SEMA3D: variants seen among roughly 807,000 people sequenced by gnomAD.
The protein encoded by SEMA3D is semaphorin 3D, also known as semaphorin-3D.
A neutral mutation model predicts 100.1 loss-of-function variants in SEMA3D; 84 were observed. That is an observed-to-expected ratio of 0.84 (90% CI 0.70 to 1.01). SEMA3D has a LOEUF of 1.01. Among genes scored for constraint, SEMA3D ranks in the 50% least tolerant of loss-of-function variants. The probability of loss-of-function intolerance (pLI) is 0.00; values close to 1 mark genes in which losing one functional copy is unlikely to be tolerated. For synonymous variants in SEMA3D, 312 were observed against 320.7 expected (o/e 0.97, Z 0.29); for missense variants, 875 against 934.1 (o/e 0.94, Z 0.82).
At chr7:85,055,971 C>T (rs1791308057) in intron 8 of SEMA3D, 112 bp from the exon 9 acceptor site, 3 of 542,198 alleles carry the variant, frequency 5.5e-6, no homozygotes, top group Non-Finnish European at 9.7e-6. Flanking sequence ...AAAAAATGAA[C>T]TATAAGCCAG....
the SEMA3D span, among the ~76,000 whole-genome samples, chr7:85,216,519 C>T: frequency 6.6e-6 from 1 of 151,790 alleles, no homozygotes. Context: ...TACTGTCTCA[C>T]CAAGGAAATT....
the SEMA3D span, among the ~76,000 whole-genome samples, chr7:85,215,953 C>A: frequency 1.2e-4 from 19 of 152,010 alleles, no homozygotes; most frequent in Admixed American, 1.1e-3. Flanking sequence ...CTATTTTGCA[C>A]TTTTAAGGTT....
At chr7:85,161,162 T>C (rs1460874459) in intron 1 of SEMA3D, among the ~76,000 whole-genome samples, 49 of 152,226 alleles carry the variant, frequency 3.2e-4, no homozygotes, top group Admixed American at 3.2e-3. Context: ...GACTAAAAAT[T>C]TTAGCTTTAT....
intron 2 of SEMA3D, among the ~76,000 whole-genome samples, chr7:85,135,838 C>G (rs1027479938): frequency 6.7e-6 from 1 of 150,352 alleles, no homozygotes; most frequent in Non-Finnish European, 1.5e-5. Flanking sequence ...TATTTACTAT[C>G]ACGTTTCTAC....
intron 6 of SEMA3D, 36 bp from the exon 7 acceptor site, chr7:85,068,320 A>T: frequency 9.0e-7 from 1 of 1,110,372 alleles, no homozygotes; most frequent in Non-Finnish European, 1.4e-6. Flanking sequence ...TGAACTTTTT[A>T]AAAATATTAC....
At chr7:85,017,416 G>A (rs1392337760) in intron 15 of SEMA3D, among the ~76,000 whole-genome samples, 2 of 151,612 alleles carry the variant, frequency 1.3e-5, no homozygotes, top group Non-Finnish European at 2.9e-5. Flanking sequence ...AGCACCTTAG[G>A]CCTTCAAGAA....
At chr7:85,171,014 G>A (rs955392237) in intron 1 of SEMA3D, among the ~76,000 whole-genome samples, 7 of 151,922 alleles carry the variant, frequency 4.6e-5, no homozygotes, top group Admixed American at 4.6e-4. Flanking sequence ...CAATATATAA[G>A]TATACTAAGG....
At chr7:85,156,474 C>G (rs185453541) in intron 1 of SEMA3D, among the ~76,000 whole-genome samples, 144 of 152,168 alleles carry the variant, frequency 9.5e-4, no homozygotes, top group Non-Finnish European at 1.6e-3. Context: ...TTGATTCTTC[C>G]AACTTAAAGG....
intron 13 of SEMA3D, 74 bp from the exon 14 acceptor site, chr7:85,020,395 T>C: frequency 1.0e-6 from 1 of 972,608 alleles, no homozygotes; most frequent in Non-Finnish European, 1.6e-6. Context: ...CCTAGAAACC[T>C]GCAAATCATT....
chr7:85,229,295 A>G, the SEMA3D span, among the ~76,000 whole-genome samples: 1 of 152,170 alleles, frequency 6.6e-6, no homozygotes, highest in South Asian at 2.1e-4. Context: ...AGTACTGCAA[A>G]TGCTTTTAAA....
chr7:85,231,595 C>A, the SEMA3D span, among the ~76,000 whole-genome samples: 1 of 151,966 alleles, frequency 6.6e-6, no homozygotes, highest in African/African-American at 2.4e-5. Flanking sequence ...GGACTACAGG[C>A]GTCTGCCACC....
At position 85,014,119 on chromosome 7, in the gene SEMA3D, T is replaced by C. The variant is rs536701401; in HGVS notation, c.1703+940A>G. The stretch of plus-strand genomic sequence containing the variant: ...GCTGTTGAACTATACATTCAATTTG[T>C]AATTTCCTAGAATTTAGAATTTGAG... On this transcript the variant is annotated intron_variant, in intron 16 of 18. Transcript: ENST00000284136. Among the ~76,000 whole-genome samples, 6 of 151,960 alleles carry C rather than the reference T, an allele frequency of 3.9e-5. No individual in the cohort carries two copies. In the South Asian group the frequency reaches 1.2e-3, roughly 31 times the overall value.
At chr7:85,219,427 A>G in the SEMA3D span, among the ~76,000 whole-genome samples, 1 of 149,014 alleles carries the variant, frequency 6.7e-6, no homozygotes, top group East Asian at 2.1e-4. Flanking sequence ...GATTTATGTT[A>G]TTAGTACATT....
the SEMA3D span, among the ~76,000 whole-genome samples, chr7:85,246,902 A>G: frequency 6.6e-6 from 1 of 151,974 alleles, no homozygotes; most frequent in East Asian, 1.9e-4. Context: ...TTGATACAAT[A>G]TAACAGTGAA....
chr7:85,245,879 C>A, the SEMA3D span, among the ~76,000 whole-genome samples: 1 of 151,904 alleles, frequency 6.6e-6, no homozygotes, highest in Non-Finnish European at 1.5e-5. Context: ...TTGCCTTTGG[C>A]TATATCATAG....
chr7:85,133,406 T>G (rs1461968682), intron 2 of SEMA3D, among the ~76,000 whole-genome samples: 1 of 151,998 alleles, frequency 6.6e-6, no homozygotes, highest in Non-Finnish European at 1.5e-5. Flanking sequence ...TTTTTATTTT[T>G]TACATCTTTC....
chr7:85,125,651 C>G (rs1353791708), intron 2 of SEMA3D, among the ~76,000 whole-genome samples: 1 of 152,086 alleles, frequency 6.6e-6, no homozygotes, highest in Non-Finnish European at 1.5e-5. Flanking sequence ...CTACAATCTA[C>G]TGGTCCTGAT....
intron 2 of SEMA3D, 137 bp from the exon 3 acceptor site, chr7:85,122,068 A>C (rs570286434): frequency 1.1e-4 from 58 of 519,226 alleles, no homozygotes; most frequent in African/African-American, 1.0e-3. Context: ...AGGGGAACAT[A>C]GCATACCAGG....
At chr7:85,231,397 T>C in the SEMA3D span, among the ~76,000 whole-genome samples, 58 of 151,934 alleles carry the variant, frequency 3.8e-4, no homozygotes, top group Non-Finnish European at 7.8e-4. Flanking sequence ...CAAATCATCA[T>C]TGAATTATTC....
Sources: gnomAD v4.1 joint callset for allele counts (sites outside exome capture counted in the v4.1 genomes callset) on GRCh38, gnomAD v4.1.1 for gene constraint, MANE v1.5 for transcripts, NCBI Gene and HGNC (gene_info 2026-07-23, HGNC 2026-07-21) for gene names.